The following FGF10 variants were observed in gnomAD, a reference collection of about 807,000 sequenced individuals.
The protein encoded by FGF10 is fibroblast growth factor 10.
FGF10 carries 2 observed loss-of-function variants against 19.8 expected under a neutral mutation model. That is an observed-to-expected ratio of 0.10 (90% CI 0.04 to 0.32). The LOEUF is 0.32. Ranked by LOEUF, FGF10 falls within the 10% of genes least tolerant of loss-of-function variation. FGF10 has a pLI of 1.00. For missense variants in FGF10, 191 were observed against 246.3 expected (o/e 0.78, Z 1.50); for synonymous variants, 112 against 94.0 (o/e 1.19, Z -1.10).
intron 1 of FGF10, among the ~76,000 whole-genome samples, chr5:44,365,195 T>G (rs1741576773): frequency 6.6e-6 from 1 of 151,736 alleles, no homozygotes; most frequent in South Asian, 2.1e-4. Flanking sequence ...CACTCAGACT[T>G]TATACCCCAA....
At chr5:44,376,483 C>T (rs1561219396) in intron 1 of FGF10, among the ~76,000 whole-genome samples, 1 of 21,522 alleles carries the variant, frequency 4.6e-5, no homozygotes, top group East Asian at 2.0e-3. Context: ...AGTTAGAATA[C>T]AAATGCCAAA....
rs756231409 is a variant in FGF10, at chr5:44,302,126, T to C, written c.*2869A>G. ...ATTCAGGGCTGAAACTGCTTTTTTT[T>C]TTCTTCAGTAGTTGCAAAAGGGACC... On this transcript the variant is annotated 3_prime_UTR_variant, in exon 3 of 3. Transcript: ENST00000264664. 6.6e-6 allele frequency among the ~76,000 whole-genome samples: 1 copy of C among 152,058 alleles called. No individual in the cohort carries two copies. Among genetic ancestry groups the C allele is most frequent in the Non-Finnish European group, 1.5e-5 (1 of 68,008 alleles).
chr5:44,319,451 T>C (rs1433488431), intron 1 of FGF10, among the ~76,000 whole-genome samples: 1 of 152,172 alleles, frequency 6.6e-6, no homozygotes, highest in African/African-American at 2.4e-5. Flanking sequence ...ATCTTGATAT[T>C]GGGTTTCCTG....
intron 1 of FGF10, among the ~76,000 whole-genome samples, chr5:44,366,772 G>C (rs1741623850): frequency 6.6e-6 from 1 of 152,054 alleles, no homozygotes; most frequent in South Asian, 2.1e-4. Flanking sequence ...GATTTTATTT[G>C]ATAGTGTCTG....
intron 1 of FGF10, among the ~76,000 whole-genome samples, chr5:44,357,409 T>C (rs1024781607): frequency 1.3e-5 from 2 of 151,484 alleles, no homozygotes; most frequent in Non-Finnish European, 3.0e-5. Flanking sequence ...TATACATAAA[T>C]GACTAATAAT....
intron 1 of FGF10, among the ~76,000 whole-genome samples, chr5:44,353,721 A>G (rs1741285136): frequency 6.6e-6 from 1 of 151,336 alleles, no homozygotes; most frequent in Non-Finnish European, 1.5e-5. Flanking sequence ...ATCTCTCCCT[A>G]TTTGCTTTAA....
At position 44,304,090 on chromosome 5, in the gene FGF10, A is replaced by G. The variant is rs956866738; in HGVS notation, c.*905T>C. 1 of 152,200 alleles carries G rather than the reference A, an allele frequency of 6.6e-6. No homozygotes were observed. Among genetic ancestry groups the G allele is most frequent in the Admixed American group, 6.5e-5 (1 of 15,276 alleles). The allele number at this position is 152,200 out of a possible 1,614,324, so 9.4% of individuals were successfully genotyped here. A position where few individuals can be genotyped will look rare whatever the true frequency, so the allele number is the denominator to read the frequency against. On this transcript the variant is annotated 3_prime_UTR_variant, in exon 3 of 3. Coordinates refer to ENST00000264664, the MANE Select transcript of FGF10 (RefSeq NM_004465.2). ...GTAATATATGTTTTCAAATGATAGC[A>G]GACATCTCTCACTCAAGCCATGGCA...
At chr5:44,381,576 A>G (rs1463707840) in intron 1 of FGF10, among the ~76,000 whole-genome samples, 1 of 152,158 alleles carries the variant, frequency 6.6e-6, no homozygotes, top group Non-Finnish European at 1.5e-5. Context: ...GTTGTCACAG[A>G]CTAACTCAAA....
At chr5:44,308,998 GTCACTAAA>G (rs1171742593) in intron 2 of FGF10, among the ~76,000 whole-genome samples, 1 of 152,090 alleles carries the variant, frequency 6.6e-6, no homozygotes, top group Non-Finnish European at 1.5e-5. Flanking sequence ...GTTCTAAATG[GTCACTAAA>G]TGGTTCTAAA....
At chr5:44,356,129 T>G (rs922068179) in intron 1 of FGF10, among the ~76,000 whole-genome samples, 1 of 151,468 alleles carries the variant, frequency 6.6e-6, no homozygotes, top group East Asian at 1.9e-4. Flanking sequence ...TTTTAACAAA[T>G]TTGAGAATCA....
Position 44,388,829 on chromosome 5 carries a change from C to A in FGF10, c.-147G>T. The A allele has an allele frequency of 2.6e-6, 2 of 782,910 alleles. No individual in the cohort carries two copies. Among genetic ancestry groups the A allele is most frequent in the Non-Finnish European group, 4.4e-6 (2 of 450,002 alleles). The allele number at this position is 782,910 out of a possible 1,614,324, so 48.5% of individuals were successfully genotyped here. On this transcript the variant is annotated 5_prime_UTR_variant, in exon 1 of 3. Coordinates refer to ENST00000264664, the MANE Select transcript of FGF10 (RefSeq NM_004465.2). ...GCGGATCTGGCCAGAAGTGAATGCA[C>A]CAACATCCATAACTCCTCGGAAAAG...
chr5:44,355,612 T>C (rs1741328689), intron 1 of FGF10, among the ~76,000 whole-genome samples: 1 of 151,270 alleles, frequency 6.6e-6, no homozygotes, highest in Non-Finnish European at 1.5e-5. Context: ...TAATTGTTAG[T>C]GCACAGAAGG....
chr5:44,364,501 A>T (rs923879304), intron 1 of FGF10, among the ~76,000 whole-genome samples: 8 of 151,866 alleles, frequency 5.3e-5, no homozygotes, highest in East Asian at 1.9e-4. Context: ...ATGCTGCTAG[A>T]TGTGCTACAA....
chr5:44,305,347 A>C (rs1303465381), intron 2 of FGF10, among the ~76,000 whole-genome samples, 155 bp from the exon 3 acceptor site: 1 of 152,206 alleles, frequency 6.6e-6, no homozygotes, highest in East Asian at 1.9e-4. Context: ...ACAATAGAAA[A>C]GTAAATCTCA....
intron 1 of FGF10, among the ~76,000 whole-genome samples, chr5:44,359,752 T>TGTAATGGTCAA (rs1561213898): frequency 6.6e-6 from 1 of 151,442 alleles, no homozygotes; most frequent in Non-Finnish European, 1.5e-5. Flanking sequence ...TTGTTACATG[T>TGTAATGGTCAA]GTAATGGTCA....
intron 1 of FGF10, among the ~76,000 whole-genome samples, chr5:44,329,661 C>T (rs994335918): frequency 2.6e-5 from 4 of 152,034 alleles, no homozygotes; most frequent in African/African-American, 7.2e-5. Flanking sequence ...ATATAAGAAA[C>T]ATTTGCTTTG....
intron 1 of FGF10, among the ~76,000 whole-genome samples, chr5:44,338,382 T>C (rs1740898017): frequency 6.6e-6 from 1 of 152,322 alleles, no homozygotes; most frequent in South Asian, 2.1e-4. Flanking sequence ...ATGACAATAA[T>C]CAAATTTGAG....
intron 1 of FGF10, among the ~76,000 whole-genome samples, chr5:44,359,285 C>T (rs181974263): frequency 1.8e-4 from 28 of 151,528 alleles, no homozygotes; most frequent in Non-Finnish European, 1.2e-4. Flanking sequence ...TATATTGGCA[C>T]ACAGGGAATG....
intron 1 of FGF10, among the ~76,000 whole-genome samples, chr5:44,327,176 T>C (rs1740634351): frequency 6.6e-6 from 1 of 152,158 alleles, no homozygotes; most frequent in African/African-American, 2.4e-5. Context: ...AATAAACGTG[T>C]ACCATGAGGG....
Sources: gnomAD v4.1 joint callset for allele counts (sites outside exome capture counted in the v4.1 genomes callset) on GRCh38, gnomAD v4.1.1 for gene constraint, MANE v1.5 for transcripts, NCBI Gene and HGNC (gene_info 2026-07-23, HGNC 2026-07-21) for gene names.